Variants in DNAH6 observed in about 807,000 individuals in gnomAD.
DNAH6 encodes the protein dynein axonemal heavy chain 6.
In DNAH6, 340 loss-of-function variants were observed where a neutral mutation model predicts 491.4. The observed-to-expected ratio is 0.69, with a 90% CI of 0.63 to 0.76. The LOEUF (loss-of-function observed/expected upper bound fraction) is 0.76, where lower values mean the gene tolerates loss of function less well. Ranked by LOEUF, DNAH6 falls within the 30% of genes least tolerant of loss-of-function variation. DNAH6 has a pLI of 0.00. For missense variants in DNAH6, 4,443 were observed against 4,972.2 expected, an observed-to-expected ratio of 0.89 and a Z score of 3.20; for synonymous variants, 1,603 against 1,686.1, an observed-to-expected ratio of 0.95 and a Z score of 1.21.
rs559621476 is a variant in DNAH6 at position 84,686,679 on chromosome 2, T to G, written c.7137+122T>G. The G allele has an allele frequency of 2.0e-5, 12 of 609,432 alleles. No homozygotes were observed. In the African/African-American group the frequency reaches 2.1e-4, roughly 11 times the overall value. 37.8% of individuals were successfully genotyped at this position (609,432 alleles called of 1,614,324 possible). On this transcript the variant is annotated intron_variant, in intron 44 of 76. Transcript: ENST00000389394. ...GAGGAGTTAAGATCTAGGCCAGATGTCAGCAAACTATGGCCCATGAGCCAC... is the reference window on the plus strand; with the variant it reads ...GAGGAGTTAAGATCTAGGCCAGATGGCAGCAAACTATGGCCCATGAGCCAC...
In DNAH6 at chr2:84,610,531, C is replaced by G. The variant is rs75093868; in HGVS notation, c.3295-1143C>G. Among the ~76,000 whole-genome samples, 908 of 152,208 alleles carry G rather than the reference C, an allele frequency of 6.0e-3. 19 individuals carry two copies. In the East Asian group the frequency reaches 0.075, roughly 13 times the overall value. ...CTCCTTGGAATCTTTCCTTGTGGTG[C>G]ACATGTTCTTTTGATTTTATTCCAC... On this transcript the variant is annotated intron_variant, in intron 21 of 76. Coordinates refer to ENST00000389394, the MANE Select transcript of DNAH6 (RefSeq NM_001370.2).
Position 84,624,162 on chromosome 2 carries a change from C to G in DNAH6, c.4072-103C>G, listed in dbSNP as rs978111828. ...CAAAATTATAGATTCTTAAAATTAG[C>G]TGGTTTTTAGCAATGTCTCTCCAAA... On this transcript the variant is annotated intron_variant, in intron 26 of 76. Coordinates refer to ENST00000389394, the MANE Select transcript of DNAH6 (RefSeq NM_001370.2). 1.2e-5 allele frequency: 12 copies of G among 1,037,164 alleles called. 1 individual carries two copies. The highest frequency in any genetic ancestry group is 6.2e-4 in the Middle Eastern group (2 of 3,220). 64.2% of individuals were successfully genotyped at this position (1,037,164 alleles called of 1,614,324 possible).
chr2:84,659,007 T>C lies in DNAH6; in HGVS notation c.5941-19T>C. Reference sequence around the variant, plus strand: ...GTTCATATATAAAATATTAAGTCTGTTTCTCTTTATTCTTTCAGGAACAAA... The same window carrying C: ...GTTCATATATAAAATATTAAGTCTGCTTCTCTTTATTCTTTCAGGAACAAA... On this transcript the variant is annotated intron_variant, in intron 36 of 76. Transcript: ENST00000389394. 1 of 1,326,838 alleles carries C rather than the reference T, an allele frequency of 7.5e-7. No homozygotes were observed. The highest frequency in any genetic ancestry group is 1.0e-6 in the Non-Finnish European group (1 of 970,372). The allele number at this position is 1,326,838 out of a possible 1,614,324, so 82.2% of individuals were successfully genotyped here.
chr2:84,819,361 T>C lies in DNAH6; in HGVS notation c.12430T>C (p.Tyr4144His). Reference protein sequence around the residue: ...VLLPSKRSKDYWIAKGSALLC... With the variant: ...VLLPSKRSKDHWIAKGSALLC... Reference sequence around the variant, plus strand: ...GTTACCCTCCAAGCGGTCCAAAGACTACTGGATTGCCAAGGGATCAGCTTT... The same window carrying C: ...GTTACCCTCCAAGCGGTCCAAAGACCACTGGATTGCCAAGGGATCAGCTTT... The change falls in exon 77 of 77, where the codon TAC becomes CAC. Residue 4144 changes from tyrosine (Y) to histidine (H), a missense_variant. Physicochemically the swap from Tyr to His is moderately conservative, Grantham distance 83. Coordinates refer to ENST00000389394, the MANE Select transcript of DNAH6 (RefSeq NM_001370.2). The C allele has an allele frequency of 6.4e-7, 1 of 1,551,538 alleles. No individual in the cohort carries two copies. The highest frequency in any genetic ancestry group is 8.7e-7 in the Non-Finnish European group (1 of 1,146,886).
chr2:84,656,323 C>G (rs571319989), intron 35 of DNAH6, among the ~76,000 whole-genome samples: 1 of 152,144 alleles, frequency 6.6e-6, no homozygotes, highest in Non-Finnish European at 1.5e-5. Context: ...AATGTGGTTG[C>G]TGAATTATTT....
chr2:84,654,865 G>A (rs1178533223), intron 35 of DNAH6, 83 bp downstream of exon 35: 1 of 1,443,418 alleles, frequency 6.9e-7, no homozygotes, highest in African/African-American at 1.4e-5. Context: ...AATAGGTTAA[G>A]GACTCATGGT....
At chr2:84,551,884 C>T (rs550374878) in intron 9 of DNAH6, among the ~76,000 whole-genome samples, 1 of 152,080 alleles carries the variant, frequency 6.6e-6, no homozygotes, top group African/African-American at 2.4e-5. Context: ...GCCATCTCTA[C>T]CAAAAATACA....
At chr2:84,589,603 T>A (rs2104107658) in intron 16 of DNAH6, among the ~76,000 whole-genome samples, 1 of 151,252 alleles carries the variant, frequency 6.6e-6, no homozygotes, top group Non-Finnish European at 1.5e-5. Context: ...TCCCAGGTAC[T>A]TGGGAGGCTA....
chr2:84,561,769 C>T (rs1680701512), intron 11 of DNAH6, among the ~76,000 whole-genome samples: 1 of 152,150 alleles, frequency 6.6e-6, no homozygotes, highest in Non-Finnish European at 1.5e-5. Context: ...GACATTTATG[C>T]AGCCAAAAGA....
the DNAH6 span, among the ~76,000 whole-genome samples, chr2:84,471,220 A>G: frequency 6.6e-6 from 1 of 152,234 alleles, no homozygotes; most frequent in South Asian, 2.1e-4. Context: ...CATTATTACT[A>G]TCATTATTAC....
intron 60 of DNAH6, among the ~76,000 whole-genome samples, chr2:84,727,250 G>A (rs560615515): frequency 5.5e-4 from 83 of 151,878 alleles, no homozygotes; most frequent in Non-Finnish European, 9.0e-4. Flanking sequence ...GCTTGGTGTT[G>A]GTCCATTTCT....
At chr2:84,803,908 C>T (rs1053422810) in intron 70 of DNAH6, among the ~76,000 whole-genome samples, 35 of 151,942 alleles carry the variant, frequency 2.3e-4, no homozygotes, top group African/African-American at 7.5e-4. Context: ...ATTCTATTCC[C>T]GAAGTGTAAT....
intron 52 of DNAH6, among the ~76,000 whole-genome samples, chr2:84,706,665 C>G (rs1462205106): frequency 1.3e-5 from 2 of 152,072 alleles, no homozygotes; most frequent in South Asian, 2.1e-4. Context: ...ACCTGTTTCT[C>G]TATTATGATT....
chr2:84,462,237 CA>C, the DNAH6 span, among the ~76,000 whole-genome samples: 1 of 152,030 alleles, frequency 6.6e-6, no homozygotes, highest in East Asian at 1.9e-4. Flanking sequence ...TGTAAAAATG[CA>C]GATTCACTGA....
In DNAH6 at chr2:84,762,737, T is replaced by C. The variant is rs187212109; in HGVS notation, c.10513-18T>C. The C allele has an allele frequency of 1.2e-5, 19 of 1,527,472 alleles. No individual in the cohort carries two copies. Among genetic ancestry groups the C allele is most frequent in the Admixed American group, 6.4e-5 (3 of 47,140 alleles). 94.6% of individuals were successfully genotyped at this position (1,527,472 alleles called of 1,614,324 possible). ...GGATCCTCATTCAACATACTTTTTT[T>C]TTCTTTTCAACTTTCAGGTGGTTTT... is the stretch of plus-strand genomic sequence containing the variant. On this transcript the variant is annotated intron_variant, in intron 63 of 76. Coordinates refer to ENST00000389394, the MANE Select transcript of DNAH6 (RefSeq NM_001370.2).
intron 11 of DNAH6, among the ~76,000 whole-genome samples, chr2:84,560,448 T>C (rs34983278): frequency 1.3e-5 from 2 of 150,660 alleles, no homozygotes; most frequent in Non-Finnish European, 2.9e-5. Context: ...GTTTTCTTTT[T>C]TTTTTCTTTT....
At chr2:84,692,170 T>C (rs1694925524) in intron 45 of DNAH6, among the ~76,000 whole-genome samples, 1 of 152,206 alleles carries the variant, frequency 6.6e-6, no homozygotes, top group African/African-American at 2.4e-5. Context: ...TTACAGTCTC[T>C]AGAAGTTGGT....
Position 84,787,192 on chromosome 2 carries a change from G to A in DNAH6, c.11129G>A (p.Trp3710Ter), listed in dbSNP as rs779391865. The part of the protein sequence containing the change: ...QERKKFGPLG[W>*]NICYEFNDSD... ...AGAAAGAAGTTTGGCCCCCTTGGTT[G>A]GAATATCTGCTATGAATTTAATGAC... Residue 3710 changes from tryptophan to a stop codon, truncating the protein, a stop_gained, in exon 68 of 77, where the codon TGG becomes TAG. Coordinates refer to ENST00000389394, the MANE Select transcript of DNAH6 (RefSeq NM_001370.2). LOFTEE classifies it high-confidence loss of function. The A allele has an allele frequency of 5.2e-6, 8 of 1,531,080 alleles. No homozygotes were observed. The African/African-American group carries it at 1.1e-4, about 21-fold the overall frequency. 94.8% of individuals were successfully genotyped at this position (1,531,080 alleles called of 1,614,324 possible).
At chr2:84,782,753 A>G (rs1467797713) in intron 65 of DNAH6, among the ~76,000 whole-genome samples, 2 of 152,226 alleles carry the variant, frequency 1.3e-5, no homozygotes, top group African/African-American at 4.8e-5. Flanking sequence ...AAGAGAAATG[A>G]CAAGGAGGTC....
Sources: gnomAD v4.1 joint callset for allele counts (sites outside exome capture counted in the v4.1 genomes callset) on GRCh38, gnomAD v4.1.1 for gene constraint, MANE v1.5 for transcripts, NCBI Gene and HGNC (gene_info 2026-07-23, HGNC 2026-07-21) for gene names.